Variants in ZNF721 observed in about 807,000 individuals in gnomAD.
ZNF721 encodes the protein zinc finger protein 721.
A neutral mutation model predicts 2.4 loss-of-function variants in ZNF721; 2 were observed. That is an observed-to-expected ratio of 0.82 (90% CI 0.34 to 2.58). The LOEUF (loss-of-function observed/expected upper bound fraction) is 2.58, where lower values mean the gene tolerates loss of function less well. ZNF721 is among the 30% of genes most tolerant of loss of function. The pLI is 0.11. For synonymous variants in ZNF721, 398 were observed against 381.8 expected (o/e 1.04, Z -0.50); for missense variants, 1,187 against 1,085.5 (o/e 1.09, Z -1.31).
At position 444,223 on chromosome 4, in the gene ZNF721, G is replaced by A. The variant is rs1714393583; in HGVS notation, c.244C>T (p.Gln82Ter). Residue 82 changes from glutamine to a stop codon, truncating the protein, a stop_gained, in exon 3 of 3, where the codon CAA becomes TAA. Transcript: ENST00000511833. LOFTEE classifies it low-confidence loss of function (END_TRUNC). ...CLSNTQSKIFQCNARVKVFSK... is the reference protein window; with the variant it reads ...CLSNTQSKIF ...AAAACTTTGACACGTGCATTACATTGAAATATTTTGCTCTGAGTATTTGAC... is the reference window on the plus strand; with the variant it reads ...AAAACTTTGACACGTGCATTACATTAAAATATTTTGCTCTGAGTATTTGAC... The A allele has an allele frequency of 6.2e-7, 1 of 1,613,444 alleles. No homozygotes were observed. The highest frequency in any genetic ancestry group is 8.5e-7 in the Non-Finnish European group (1 of 1,179,680).
chr4:462,036 A>G (rs1421945177), intron 2 of ZNF721, among the ~76,000 whole-genome samples: 1 of 152,224 alleles, frequency 6.6e-6, no homozygotes, highest in Non-Finnish European at 1.5e-5. Flanking sequence ...AATCTCCTTA[A>G]GCTGATATGC....
intron 2 of ZNF721, among the ~76,000 whole-genome samples, chr4:451,153 C>T (rs1426879017): frequency 6.6e-6 from 1 of 151,232 alleles, no homozygotes; most frequent in Non-Finnish European, 1.5e-5. Context: ...TATTTTAAAA[C>T]AAAGATATTC....
At chr4:455,621 T>C (rs1259505448) in intron 2 of ZNF721, among the ~76,000 whole-genome samples, 1 of 143,632 alleles carries the variant, frequency 7.0e-6, no homozygotes, top group Admixed American at 6.9e-5. Context: ...GTGAAGACAG[T>C]AAAAAAGAAA....
chr4:486,970 A>C (rs554685086), intron 1 of ZNF721, among the ~76,000 whole-genome samples: 4 of 152,310 alleles, frequency 2.6e-5, no homozygotes, highest in African/African-American at 9.6e-5. Context: ...AAGGTCCAGG[A>C]AACCTGGCTG....
rs373444908 is a variant in ZNF721, at chr4:443,435, C to T, written c.1032G>A (p.Gln344=). The change falls in exon 3 of 3, where the codon CAG becomes CAA. Residue 344 remains glutamine (Q), a synonymous_variant. Coordinates refer to ENST00000511833, the MANE Select transcript of ZNF721 (RefSeq NM_133474.4). ...TCGECGKTFR[Q]SANLYVHRRI... ...TCCTATGTACGTAAAGGTTTGCGGA[C>T]TGTCTAAAGGTTTTGCCACATTCTC... is the stretch of plus-strand genomic sequence containing the variant. The T allele has an allele frequency of 1.0e-4, 164 of 1,611,936 alleles. 1 individual carries two copies. In the African/African-American group the frequency reaches 2.0e-3, roughly 20 times the overall value.
chr4:459,854 G>A (rs2108702153), intron 2 of ZNF721, among the ~76,000 whole-genome samples: 2 of 151,634 alleles, frequency 1.3e-5, no homozygotes, highest in Middle Eastern at 6.8e-3. Flanking sequence ...GGGGGAGGGG[G>A]CATTACCTAA....
At chr4:449,485 T>C (rs1342354737) in intron 2 of ZNF721, among the ~76,000 whole-genome samples, 1 of 152,118 alleles carries the variant, frequency 6.6e-6, no homozygotes, top group African/African-American at 2.4e-5. Flanking sequence ...ATAAAGCTAT[T>C]TGAAGTAAAC....
At chr4:490,062 G>C (rs544448751) in intron 1 of ZNF721, among the ~76,000 whole-genome samples, 1 of 152,072 alleles carries the variant, frequency 6.6e-6, no homozygotes, top group African/African-American at 2.4e-5. Context: ...GTTTCACCAT[G>C]TTGGCCAGGA....
chr4:491,959 C>T (rs980000790), intron 1 of ZNF721, among the ~76,000 whole-genome samples: 1 of 151,852 alleles, frequency 6.6e-6, no homozygotes, highest in Non-Finnish European at 1.5e-5. Flanking sequence ...TCGAGACCAT[C>T]CTGGCTAACA....
At chr4:484,650 G>C (rs1237011885) in intron 1 of ZNF721, among the ~76,000 whole-genome samples, 19 of 152,172 alleles carry the variant, frequency 1.2e-4, no homozygotes, top group African/African-American at 4.1e-4. Context: ...AGTGCTCCCA[G>C]GCTTATTAGG....
intron 1 of ZNF721, among the ~76,000 whole-genome samples, chr4:472,970 T>C (rs1392296472): frequency 3.3e-5 from 5 of 151,958 alleles, no homozygotes; most frequent in South Asian, 4.2e-4. Context: ...GGAAAACAGG[T>C]TGAACTCACC....
chr4:482,266 C>G (rs191649467), intron 1 of ZNF721, among the ~76,000 whole-genome samples: 6 of 152,036 alleles, frequency 3.9e-5, no homozygotes, highest in African/African-American at 4.8e-5. Flanking sequence ...CAGGTTCAAA[C>G]GATTCTCCTG....
At chr4:483,086 AAAT>A (rs1383213359) in intron 1 of ZNF721, among the ~76,000 whole-genome samples, 10 of 152,352 alleles carry the variant, frequency 6.6e-5, no homozygotes, top group African/African-American at 1.9e-4. Context: ...CAGAAAATGA[AAAT>A]AATAAAGTGG....
rs190279732 is a variant in ZNF721, at chr4:452,241, A to G, written c.35-7809T>C. ...TAGTCGGCTGGGGCTTGCAGCAGGT[A>G]AAAACCCAGCTCCTATCTCAAGGAT... On this transcript the variant is annotated intron_variant, in intron 2 of 2. Coordinates refer to ENST00000511833, the MANE Select transcript of ZNF721 (RefSeq NM_133474.4). Among the ~76,000 whole-genome samples, 828 of 152,324 alleles carry G rather than the reference A, an allele frequency of 5.4e-3. 9 individuals are homozygous for G. Among genetic ancestry groups the G allele is most frequent in the Non-Finnish European group, 8.8e-3 (601 of 68,028 alleles).
At chr4:468,988 A>T (rs1288777207) in intron 2 of ZNF721, among the ~76,000 whole-genome samples, 2 of 152,262 alleles carry the variant, frequency 1.3e-5, no homozygotes, top group East Asian at 3.8e-4. Context: ...GTTTGTAGAT[A>T]ATATGATCAT....
chr4:490,531 T>C (rs1715995362), intron 1 of ZNF721, among the ~76,000 whole-genome samples: 1 of 152,186 alleles, frequency 6.6e-6, no homozygotes, highest in Non-Finnish European at 1.5e-5. Context: ...TTCACTTGTT[T>C]CTTTTTATTA....
intron 2 of ZNF721, among the ~76,000 whole-genome samples, chr4:456,778 C>CT (rs1201606829): frequency 6.6e-6 from 1 of 152,096 alleles, no homozygotes; most frequent in African/African-American, 2.4e-5. Context: ...ACTTGGGAGC[C>CT]TGAGGCAGAA....
chr4:486,313 C>A lies in ZNF721; in HGVS notation c.-94+12743G>T, dbSNP rs188970611. On this transcript the variant is annotated intron_variant, in intron 1 of 2. Transcript: ENST00000511833. ...AGCTGGGACTACAGGCGTCCGCCACCATGTCCGGCTAATTTTTTGTATTTT... is the reference window on the plus strand; with the variant it reads ...AGCTGGGACTACAGGCGTCCGCCACAATGTCCGGCTAATTTTTTGTATTTT... 9.5e-3 allele frequency among the ~76,000 whole-genome samples: 1,449 copies of A among 152,208 alleles called. 11 individuals are homozygous for A. The highest frequency in any genetic ancestry group is 0.016 in the Non-Finnish European group (1,065 of 68,006).
intron 2 of ZNF721, among the ~76,000 whole-genome samples, chr4:467,299 A>G (rs1032481487): frequency 1.3e-5 from 2 of 152,218 alleles, no homozygotes. Flanking sequence ...TCAAATGAAA[A>G]TATCTTGTCG....
Sources: gnomAD v4.1 joint callset for allele counts (sites outside exome capture counted in the v4.1 genomes callset) on GRCh38, gnomAD v4.1.1 for gene constraint, MANE v1.5 for transcripts, NCBI Gene and HGNC (gene_info 2026-07-23, HGNC 2026-07-21) for gene names.